The following MRTFB variants were observed in gnomAD, a reference collection of about 807,000 sequenced individuals.
MRTFB encodes the protein myocardin-related transcription factor B.
Under a neutral mutation model 104.2 loss-of-function variants are expected in MRTFB, and 29 were observed. The observed-to-expected ratio is 0.28, with a 90% confidence interval of 0.21 to 0.38. The LOEUF (loss-of-function observed/expected upper bound fraction) is 0.38. Ranked by LOEUF, MRTFB falls within the 10% of genes least tolerant of loss-of-function variation. The probability of loss-of-function intolerance (pLI) is 1.00; values close to 1 mark genes in which losing one functional copy is unlikely to be tolerated. For synonymous variants in MRTFB, 535 were observed against 519.5 expected, an observed-to-expected ratio of 1.03 and a Z score of -0.41; for missense variants, 1,270 against 1,341.6, an observed-to-expected ratio of 0.95 and a Z score of 0.83.
intron 15 of MRTFB, among the ~76,000 whole-genome samples, chr16:14,253,100 C>G (rs2151438041): frequency 1.3e-5 from 2 of 152,252 alleles, no homozygotes. Context: ...ACTGATAAAA[C>G]AGAAGTAGCC....
intron 3 of MRTFB, among the ~76,000 whole-genome samples, chr16:14,194,232 T>TA (rs972581267): frequency 3.3e-5 from 5 of 152,216 alleles, no homozygotes; most frequent in African/African-American, 4.8e-5. Context: ...CTACCTGGCT[T>TA]AAACAACAGA....
chr16:14,034,616 CAA>C, the MRTFB span, among the ~76,000 whole-genome samples: 19 of 57,822 alleles, frequency 3.3e-4, no homozygotes, highest in East Asian at 1.1e-3. Flanking sequence ...CTCCATCTCA[CAA>C]AAAAAAAAAA....
chr16:14,030,260 C>T, the MRTFB span, among the ~76,000 whole-genome samples: 2 of 152,306 alleles, frequency 1.3e-5, no homozygotes, highest in African/African-American at 4.8e-5. Flanking sequence ...AGCGGGTTAG[C>T]AACAGCCCTT....
At chr16:14,178,366 G>C (rs1174788822) in intron 3 of MRTFB, among the ~76,000 whole-genome samples, 1 of 152,110 alleles carries the variant, frequency 6.6e-6, no homozygotes, top group Non-Finnish European at 1.5e-5. Flanking sequence ...GTGGAACAGA[G>C]GTGCAGGAGA....
chr16:14,161,298 G>T (rs1340485079), intron 3 of MRTFB, among the ~76,000 whole-genome samples: 1 of 151,976 alleles, frequency 6.6e-6, no homozygotes, highest in African/African-American at 2.4e-5. Context: ...CTGACCAATG[G>T]AGCAGAATGG....
chr16:14,199,343 C>G (rs1179693687), intron 3 of MRTFB, among the ~76,000 whole-genome samples: 1 of 152,194 alleles, frequency 6.6e-6, no homozygotes, highest in East Asian at 1.9e-4. Flanking sequence ...TTCTTTTCCT[C>G]TCTATTTATA....
chr16:14,140,571 C>T lies in MRTFB; in HGVS notation c.-36C>T, dbSNP rs562775969. 5.6e-6 allele frequency: 9 copies of T among 1,610,352 alleles called. No homozygotes were observed. In the Admixed American group the frequency reaches 6.7e-5, roughly 12 times the overall value. ...TCTTCAATAGGCCGTGTTTAAGAGGCGTCTTACACTCCCTGTTGCCAGTGG... is the reference window on the plus strand; with the variant it reads ...TCTTCAATAGGCCGTGTTTAAGAGGTGTCTTACACTCCCTGTTGCCAGTGG... On this transcript the variant is annotated 5_prime_UTR_variant, in exon 3 of 17. Transcript: ENST00000571589.
At position 14,177,425 on chromosome 16, in the gene MRTFB, G is replaced by T. The variant is rs548667004; in HGVS notation, c.155-32818G>T. ...GGTCTAGGCTAACCCATTACTCCCT[G>T]TTGAGTGTTTTGGGTTTTGTTTGTT... On this transcript the variant is annotated intron_variant, in intron 3 of 16. Coordinates refer to ENST00000571589, the MANE Select transcript of MRTFB (RefSeq NM_001308142.2). This position sits in a 1 kb window ranked among gnomAD's most constrained non-coding sequence, Gnocchi z 4.7. Among the ~76,000 whole-genome samples, 3 of 152,164 alleles carry T rather than the reference G, an allele frequency of 2.0e-5. No homozygotes were observed. Among genetic ancestry groups the T allele is most frequent in the Non-Finnish European group, 4.4e-5 (3 of 68,014 alleles).
the MRTFB span, among the ~76,000 whole-genome samples, chr16:14,039,453 A>G: frequency 1.3e-5 from 2 of 152,202 alleles, no homozygotes; most frequent in Admixed American, 1.3e-4. Flanking sequence ...GAACAACACA[A>G]GGATATGAAT....
At chr16:14,158,230 G>T (rs976549635) in intron 3 of MRTFB, among the ~76,000 whole-genome samples, 2 of 152,096 alleles carry the variant, frequency 1.3e-5, no homozygotes, top group African/African-American at 2.4e-5. Context: ...TACAAACAAG[G>T]CACTGTGTTA....
rs766226879 is a variant in MRTFB, at chr16:14,261,381, C to T, written c.3237C>T (p.Thr1079=). ...CAGGACTCACTCCTCTCAGCACCACCGCGCCGAGCATGTTCTCTGCTGACT... is the reference window on the plus strand; with the variant it reads ...CAGGACTCACTCCTCTCAGCACCACTGCGCCGAGCATGTTCTCTGCTGACT... ...SSSGLTPLST[T]APSMFSADFL... Residue 1079 remains threonine, a synonymous_variant, in exon 17 of 17, where the codon ACC becomes ACT. Transcript: ENST00000571589. 45 of 1,613,864 alleles carry T rather than the reference C, an allele frequency of 2.8e-5. No homozygotes were observed. Among genetic ancestry groups the T allele is most frequent in the East Asian group, 6.7e-5 (3 of 44,886 alleles).
chr16:14,057,903 T>C, the MRTFB span, among the ~76,000 whole-genome samples: 1 of 152,224 alleles, frequency 6.6e-6, no homozygotes, highest in Non-Finnish European at 1.5e-5. Flanking sequence ...TTCCTTTTAG[T>C]GTTATCAACA....
intron 14 of MRTFB, 79 bp from the exon 15 acceptor site, chr16:14,252,286 A>C: frequency 6.4e-7 from 1 of 1,553,394 alleles, no homozygotes; most frequent in Non-Finnish European, 8.7e-7. Context: ...TACATAGAGA[A>C]CAGCAGAGCC....
At chr16:14,200,962 C>T in intron 3 of MRTFB, 1 of 1,433,478 alleles carries the variant, frequency 7.0e-7, no homozygotes, top group Non-Finnish European at 9.8e-7. Context: ...TGGAGATGAT[C>T]AGACTTCCTG....
chr16:14,161,526 G>C (rs562775073), intron 3 of MRTFB, among the ~76,000 whole-genome samples: 1 of 152,250 alleles, frequency 6.6e-6, no homozygotes, highest in Admixed American at 6.5e-5. Flanking sequence ...TGATCTTGAA[G>C]TGGGCAAAAA....
the MRTFB span, among the ~76,000 whole-genome samples, chr16:14,022,853 C>T: frequency 4.0e-5 from 6 of 150,790 alleles, no homozygotes; most frequent in Admixed American, 2.7e-4. Flanking sequence ...CCTGCAACCA[C>T]GCCTGGCTAC....
At chr16:14,033,944 G>A in the MRTFB span, among the ~76,000 whole-genome samples, 1 of 152,150 alleles carries the variant, frequency 6.6e-6, no homozygotes, top group Non-Finnish European at 1.5e-5. Flanking sequence ...AAGAGGGCTA[G>A]GCAATGGAGG....
In MRTFB at chr16:14,265,294, G is replaced by C. The variant is rs2043907802; in HGVS notation, c.*3850G>C. On this transcript the variant is annotated 3_prime_UTR_variant, in exon 17 of 17. Coordinates refer to ENST00000571589, the MANE Select transcript of MRTFB (RefSeq NM_001308142.2). ...ATCTGCTACTGTAAACATGAATATT[G>C]AATACTGACAAGAGAATACCCATAC... is the stretch of plus-strand genomic sequence containing the variant. 1 of 152,148 alleles carries C rather than the reference G, an allele frequency of 6.6e-6. No individual in the cohort carries two copies. Among genetic ancestry groups the C allele is most frequent in the Admixed American group, 6.5e-5 (1 of 15,274 alleles). 9.4% of individuals were successfully genotyped at this position (152,148 alleles called of 1,614,324 possible).
intron 3 of MRTFB, chr16:14,153,177 G>A (rs999678325): frequency 6.6e-6 from 1 of 152,180 alleles, no homozygotes; most frequent in Non-Finnish European, 1.5e-5. Context: ...CTGTACTAGA[G>A]AATTGTGTGG....
Sources: gnomAD v4.1 joint callset for allele counts (sites outside exome capture counted in the v4.1 genomes callset) on GRCh38, gnomAD v4.1.1 for gene constraint, Gnocchi (gnomAD v3.1) non-coding constraint, MANE v1.5 for transcripts, NCBI Gene and HGNC (gene_info 2026-07-23, HGNC 2026-07-21) for gene names.